Variants in MEIS2 observed in about 807,000 individuals in gnomAD.
MEIS2 encodes Meis homeobox 2, also known as homeobox protein Meis2.
MEIS2 carries 9 observed loss-of-function variants against 58.6 expected under a neutral mutation model. The observed-to-expected ratio is 0.15, with a 90% CI of 0.09 to 0.27. The LOEUF (loss-of-function observed/expected upper bound fraction) is 0.27. MEIS2 is among the 10% of genes least tolerant of loss of function. The pLI, the probability that MEIS2 is intolerant of heterozygous loss-of-function variation, is 1.00. For synonymous variants in MEIS2, 221 were observed against 228.4 expected (o/e 0.97, Z 0.29); for missense variants, 427 against 635.0 (o/e 0.67, Z 3.52).
At chr15:36,923,296 T>G (rs187766858) in intron 9 of MEIS2, among the ~76,000 whole-genome samples, 1 of 152,310 alleles carries the variant, frequency 6.6e-6, no homozygotes, top group African/African-American at 2.4e-5. Flanking sequence ...CCTTATTCTT[T>G]CTGATGATAT....
chr15:37,051,747 T>A (rs1323367753), intron 7 of MEIS2, among the ~76,000 whole-genome samples: 1 of 152,124 alleles, frequency 6.6e-6, no homozygotes, highest in African/African-American at 2.4e-5. Context: ...TAGTGGGAAT[T>A]CTCCCAGTAA....
chr15:36,992,950 C>A (rs558093576), intron 8 of MEIS2, among the ~76,000 whole-genome samples: 4 of 152,110 alleles, frequency 2.6e-5, no homozygotes, highest in African/African-American at 7.2e-5. Flanking sequence ...TAATACTTAC[C>A]CTTCCTGCTA....
chr15:37,004,946 G>A (rs1402118190), intron 8 of MEIS2, among the ~76,000 whole-genome samples: 1 of 150,756 alleles, frequency 6.6e-6, no homozygotes, highest in African/African-American at 2.4e-5. Context: ...AATACCACAT[G>A]TACTTCCCCC....
At chr15:36,999,201 C>T (rs2060636690) in intron 8 of MEIS2, among the ~76,000 whole-genome samples, 1 of 152,170 alleles carries the variant, frequency 6.6e-6, no homozygotes, top group South Asian at 2.1e-4. Flanking sequence ...ATTATGCTCA[C>T]AAGGACATTG....
intron 7 of MEIS2, among the ~76,000 whole-genome samples, chr15:37,053,590 A>C (rs1182936926): frequency 6.6e-6 from 1 of 152,198 alleles, no homozygotes; most frequent in Non-Finnish European, 1.5e-5. Flanking sequence ...AAAGATTCTC[A>C]AGCAAATTTC....
At position 37,029,089 on chromosome 15, in the gene MEIS2, A is replaced by G. The variant is rs747379016; in HGVS notation, c.900+7725T>C. Among the ~76,000 whole-genome samples, 27 of 152,182 alleles carry G rather than the reference A, an allele frequency of 1.8e-4. 1 individual carries two copies. The highest frequency in any genetic ancestry group is 3.7e-4 in the Non-Finnish European group (25 of 68,032). On this transcript the variant is annotated intron_variant, in intron 8 of 11. Coordinates refer to ENST00000561208, the MANE Select transcript of MEIS2 (RefSeq NM_170675.5). The stretch of plus-strand genomic sequence containing the variant: ...AACAGAGATGACACCAGTTCAGACG[A>G]TCTCTAGTATAAGATTCCATTCAAA...
chr15:36,979,177 T>C (rs1375594382), intron 8 of MEIS2, among the ~76,000 whole-genome samples: 1 of 152,204 alleles, frequency 6.6e-6, no homozygotes, highest in Non-Finnish European at 1.5e-5. Flanking sequence ...AGTGAAAATT[T>C]TGTTTTGTAC....
chr15:36,964,885 A>G (rs1484687573), intron 8 of MEIS2, among the ~76,000 whole-genome samples: 1 of 152,190 alleles, frequency 6.6e-6, no homozygotes, highest in Non-Finnish European at 1.5e-5. Flanking sequence ...AGGGAGAGAG[A>G]ACACATAAAT....
intron 8 of MEIS2, among the ~76,000 whole-genome samples, chr15:36,954,085 T>C (rs1300914544): frequency 2.6e-5 from 4 of 152,160 alleles, no homozygotes; most frequent in African/African-American, 4.8e-5. Flanking sequence ...ATAAATTAGA[T>C]ATGTACAATG....
intron 8 of MEIS2, among the ~76,000 whole-genome samples, chr15:36,981,971 C>T (rs892245966): frequency 6.6e-6 from 1 of 152,074 alleles, no homozygotes; most frequent in Non-Finnish European, 1.5e-5. Flanking sequence ...GTTCTCAGGC[C>T]TTACATGTTG....
chr15:37,047,457 G>A lies in MEIS2; in HGVS notation c.755-10498C>T, dbSNP rs530890271. 6.0e-4 allele frequency among the ~76,000 whole-genome samples: 91 copies of A among 152,266 alleles called. 1 individual carries two copies. The South Asian group carries it at 0.018, about 30-fold the overall frequency. The stretch of plus-strand genomic sequence containing the variant: ...TGATACAAAGAACCAGAAAGGGAGA[G>A]AGACCAAGAGAAGACCAACCTGATC... On this transcript the variant is annotated intron_variant, in intron 7 of 11. Coordinates refer to ENST00000561208, the MANE Select transcript of MEIS2 (RefSeq NM_170675.5).
At chr15:37,031,818 T>TGTGC (rs1222583471) in intron 8 of MEIS2, among the ~76,000 whole-genome samples, 1 of 92,186 alleles carries the variant, frequency 1.1e-5, no homozygotes, top group Non-Finnish European at 2.4e-5. Context: ...CATCACTTTG[T>TGTGC]GTGTGTGTGT....
intron 7 of MEIS2, among the ~76,000 whole-genome samples, chr15:37,060,500 A>G (rs1482993179): frequency 6.6e-6 from 1 of 152,240 alleles, no homozygotes; most frequent in South Asian, 2.1e-4. Flanking sequence ...GTGTACCACC[A>G]TATTTGCCAG....
intron 9 of MEIS2, among the ~76,000 whole-genome samples, chr15:36,938,528 A>G (rs1337167392): frequency 6.6e-6 from 1 of 152,174 alleles, no homozygotes; most frequent in Non-Finnish European, 1.5e-5. Flanking sequence ...TTATAACAAT[A>G]GAGATAAAAT....
At chr15:36,928,841 C>A (rs1186403499) in intron 9 of MEIS2, among the ~76,000 whole-genome samples, 1 of 152,126 alleles carries the variant, frequency 6.6e-6, no homozygotes. Flanking sequence ...TGGGCCAATT[C>A]CTTCATTCTG....
rs182452221 is a variant in MEIS2, at chr15:37,026,669, C to T, written c.900+10145G>A. Among the ~76,000 whole-genome samples the T allele has an allele frequency of 3.9e-5, 6 of 152,176 alleles. No homozygotes were observed. The East Asian group carries it at 1.2e-3, about 29-fold the overall frequency. On this transcript the variant is annotated intron_variant, in intron 8 of 11. Transcript: ENST00000561208. ...GCTGGAAGGAAACTAATTAGTGGCCCATGTTAATTTTCTATAATGCTCAGA... is the reference window on the plus strand; with the variant it reads ...GCTGGAAGGAAACTAATTAGTGGCCTATGTTAATTTTCTATAATGCTCAGA...
At chr15:37,095,887 C>T in intron 3 of MEIS2, 1 of 526,256 alleles carries the variant, frequency 1.9e-6, no homozygotes, top group South Asian at 2.2e-5. Flanking sequence ...ATCCAGCAGT[C>T]CAAGAGGCTG....
chr15:37,076,784 T>C (rs1891476935), intron 7 of MEIS2, among the ~76,000 whole-genome samples: 1 of 152,118 alleles, frequency 6.6e-6, no homozygotes, highest in South Asian at 2.1e-4. Flanking sequence ...AGTCTTATGT[T>C]TTGCCTTAAC....
chr15:37,028,264 C>A (rs766187805), intron 8 of MEIS2, among the ~76,000 whole-genome samples: 4 of 152,102 alleles, frequency 2.6e-5, no homozygotes, highest in Non-Finnish European at 5.9e-5. Context: ...CATTTCATTA[C>A]CCCCATGAAA....
Sources: gnomAD v4.1 joint callset for allele counts (sites outside exome capture counted in the v4.1 genomes callset) on GRCh38, gnomAD v4.1.1 for gene constraint, MANE v1.5 for transcripts, NCBI Gene and HGNC (gene_info 2026-07-23, HGNC 2026-07-21) for gene names.